The following PTPRR variants were observed in gnomAD, a reference collection of about 807,000 sequenced individuals.
The protein encoded by PTPRR is protein tyrosine phosphatase receptor type R.
A neutral mutation model predicts 77.2 loss-of-function variants in PTPRR; 38 were observed. That is an observed-to-expected ratio of 0.49 (90% CI 0.38 to 0.65). The LOEUF (loss-of-function observed/expected upper bound fraction) is 0.65, where lower values mean the gene tolerates loss of function less well. Among genes scored for constraint, PTPRR ranks in the 30% least tolerant of loss-of-function variants. The pLI is 0.00. For missense variants in PTPRR, 744 were observed against 799.2 expected, an observed-to-expected ratio of 0.93 and a Z score of 0.83; for synonymous variants, 299 against 283.1, an observed-to-expected ratio of 1.06 and a Z score of -0.57.
chr12:70,694,694 A>C (rs1016129032), intron 8 of PTPRR, among the ~76,000 whole-genome samples: 2 of 152,074 alleles, frequency 1.3e-5, no homozygotes, highest in Non-Finnish European at 2.9e-5. Flanking sequence ...AAATCTTCCT[A>C]TTGGGTACTA....
chr12:70,648,115 G>A (rs1458572377), intron 13 of PTPRR, among the ~76,000 whole-genome samples: 1 of 152,114 alleles, frequency 6.6e-6, no homozygotes, highest in Non-Finnish European at 1.5e-5. Context: ...TGAAAGTTCA[G>A]TTCAGAGTGT....
chr12:70,715,603 C>G (rs1178281791), intron 6 of PTPRR, among the ~76,000 whole-genome samples: 1 of 152,180 alleles, frequency 6.6e-6, no homozygotes, highest in Non-Finnish European at 1.5e-5. Flanking sequence ...GAGACCCACC[C>G]CCAGGCGCGT....
Position 70,638,933 on chromosome 12 carries a change from G to A in PTPRR, c.*251C>T, listed in dbSNP as rs2136630659. 4.0e-6 allele frequency: 2 copies of A among 495,250 alleles called. No homozygotes were observed. Among genetic ancestry groups the A allele is most frequent in the South Asian group, 2.5e-5 (1 of 40,218 alleles). 30.7% of individuals were successfully genotyped at this position (495,250 alleles called of 1,614,324 possible). A position where few individuals can be genotyped will look rare whatever the true frequency, so the allele number is the denominator to read the frequency against. ...GACAAAACAAAATCTGCCTTAGGCTGTGTGATAAACCTATCATACCTCCAT... is the reference window on the plus strand; with the variant it reads ...GACAAAACAAAATCTGCCTTAGGCTATGTGATAAACCTATCATACCTCCAT... On this transcript the variant is annotated 3_prime_UTR_variant, in exon 14 of 14. Transcript: ENST00000283228.
intron 6 of PTPRR, among the ~76,000 whole-genome samples, chr12:70,721,221 G>T (rs979269418): frequency 6.6e-6 from 1 of 152,198 alleles, no homozygotes; most frequent in African/African-American, 2.4e-5. Flanking sequence ...ATACCGAGGA[G>T]TTAGAAATAT....
chr12:70,898,230 A>G (rs1046750427), intron 1 of PTPRR, among the ~76,000 whole-genome samples: 4 of 46,986 alleles, frequency 8.5e-5, no homozygotes, highest in Admixed American at 7.9e-4. Flanking sequence ...AGAAACCTTA[A>G]AAAAAAAAAA....
intron 2 of PTPRR, among the ~76,000 whole-genome samples, chr12:70,781,125 A>C (rs570405353): frequency 3.9e-5 from 6 of 152,326 alleles, no homozygotes; most frequent in African/African-American, 1.4e-4. Flanking sequence ...CTGTAGGCCC[A>C]GTTCCTACGT....
chr12:70,817,337 A>G (rs1010976027), intron 2 of PTPRR, among the ~76,000 whole-genome samples: 2 of 152,180 alleles, frequency 1.3e-5, no homozygotes, highest in Non-Finnish European at 2.9e-5. Context: ...GAAAGATGCC[A>G]ATGGATAAGG....
chr12:70,855,207 T>G (rs1161215426), intron 2 of PTPRR, among the ~76,000 whole-genome samples: 1 of 152,206 alleles, frequency 6.6e-6, no homozygotes. Context: ...AATTTCAGTT[T>G]ATCCTTGTTT....
At position 70,658,883 on chromosome 12, in the gene PTPRR, G is replaced by GTTTTTTTTTT. The variant is rs746595856; in HGVS notation, c.1766+2047_1766+2056dup. 5.4e-4 allele frequency among the ~76,000 whole-genome samples: 20 copies of GTTTTTTTTTT among 36,938 alleles called. 3 individuals are homozygous for GTTTTTTTTTT. Among genetic ancestry groups the GTTTTTTTTTT allele is most frequent in the Non-Finnish European group, 6.3e-4 (13 of 20,632 alleles). 24.2% of individuals were successfully genotyped at this position (36,938 alleles called of 152,430 possible). A position where few individuals can be genotyped will look rare whatever the true frequency, so the allele number is the denominator to read the frequency against. On this transcript the variant is annotated intron_variant, in intron 12 of 13. Coordinates refer to ENST00000283228, the MANE Select transcript of PTPRR (RefSeq NM_002849.4). ...TTCAACGTTAGGGACTTTTGCTCTA[G>GTTTTTTTTTT]TTTTTTTTTTTTTTTTTTTTTTTTT...
intron 1 of PTPRR, among the ~76,000 whole-genome samples, chr12:70,895,596 G>A (rs1283616500): frequency 1.3e-5 from 2 of 151,540 alleles, no homozygotes; most frequent in Non-Finnish European, 3.0e-5. Flanking sequence ...ATTTCATAGT[G>A]CTGTCCTTAG....
intron 2 of PTPRR, among the ~76,000 whole-genome samples, chr12:70,821,794 A>G (rs1892018991): frequency 6.6e-6 from 1 of 151,936 alleles, no homozygotes; most frequent in African/African-American, 2.4e-5. Context: ...CCTCCCAAGT[A>G]GCTGGGACTA....
At chr12:70,832,504 G>T (rs182680832) in intron 2 of PTPRR, among the ~76,000 whole-genome samples, 60 of 152,292 alleles carry the variant, frequency 3.9e-4, no homozygotes, top group African/African-American at 1.4e-3. Context: ...GTGATAGGGT[G>T]GTGAGTGCTT....
intron 2 of PTPRR, among the ~76,000 whole-genome samples, chr12:70,790,610 A>AC (rs1891405661): frequency 6.6e-6 from 1 of 151,800 alleles, no homozygotes; most frequent in African/African-American, 2.4e-5. Context: ...TCCTTGACAT[A>AC]CCCCCTTAAA....
chr12:70,738,849 G>A (rs1889958332), intron 6 of PTPRR, among the ~76,000 whole-genome samples: 1 of 152,208 alleles, frequency 6.6e-6, no homozygotes, highest in Non-Finnish European at 1.5e-5. Flanking sequence ...CAAGAGCTGT[G>A]CAAGGCACAT....
intron 1 of PTPRR, among the ~76,000 whole-genome samples, chr12:70,910,392 C>G (rs564623267): frequency 3.3e-5 from 5 of 152,174 alleles, no homozygotes; most frequent in African/African-American, 1.2e-4. Context: ...CATGCCATTT[C>G]AAAACATTTT....
chr12:70,840,202 T>TTA (rs1221766091), intron 2 of PTPRR, among the ~76,000 whole-genome samples: 1 of 152,130 alleles, frequency 6.6e-6, no homozygotes, highest in Non-Finnish European at 1.5e-5. Flanking sequence ...GGGAATCTAG[T>TTA]GTTTTTTTTC....
At chr12:70,684,299 T>G (rs767292143) in intron 9 of PTPRR, 35 bp from the exon 10 acceptor site, 1 of 1,593,876 alleles carries the variant, frequency 6.3e-7, no homozygotes, top group Non-Finnish European at 8.6e-7. Flanking sequence ...TATTGGTTTT[T>G]AAGTTCATGC....
At chr12:70,680,185 T>C (rs1268559726) in intron 10 of PTPRR, among the ~76,000 whole-genome samples, 2 of 152,214 alleles carry the variant, frequency 1.3e-5, no homozygotes, top group Non-Finnish European at 2.9e-5. Context: ...CAATTCATAA[T>C]TTCCTTCAGG....
intron 13 of PTPRR, among the ~76,000 whole-genome samples, chr12:70,652,903 G>C (rs1285050524): frequency 6.6e-6 from 1 of 152,208 alleles, no homozygotes; most frequent in African/African-American, 2.4e-5. Context: ...GGGGAGGTGG[G>C]AGATGGGAGG....
Sources: gnomAD v4.1 joint callset for allele counts (sites outside exome capture counted in the v4.1 genomes callset) on GRCh38, gnomAD v4.1.1 for gene constraint, MANE v1.5 for transcripts, NCBI Gene and HGNC (gene_info 2026-07-23, HGNC 2026-07-21) for gene names.